DOCK11: variants seen among roughly 807,000 people sequenced by gnomAD.
DOCK11 encodes dedicator of cytokinesis protein 11.
A neutral mutation model predicts 169.1 loss-of-function variants in DOCK11; 70 were observed. The ratio of observed to expected loss-of-function variants is 0.41; its 90% CI spans 0.34 to 0.51. The LOEUF is 0.51. Among genes scored for constraint, DOCK11 ranks in the 20% least tolerant of loss-of-function variants. The pLI, the probability that DOCK11 is intolerant of heterozygous loss-of-function variation, is 0.10. For synonymous variants in DOCK11, 529 were observed against 541.3 expected (o/e 0.98, Z 0.32); for missense variants, 1,166 against 1,538.8 (o/e 0.76, Z 4.05).
chrX:118,609,220 C>T, intron 26 of DOCK11, 58 bp from the exon 27 acceptor site: 2 of 951,176 alleles, frequency 2.1e-6, no homozygotes, highest in Non-Finnish European at 3.0e-6. Flanking sequence ...ATCTGTCAAA[C>T]TTTGCTAAGC....
At chrX:118,558,788 G>C (rs924852848) in intron 6 of DOCK11, among the ~76,000 whole-genome samples, 15 of 112,328 alleles carry the variant, frequency 1.3e-4, no homozygotes, top group African/African-American at 4.9e-4. Flanking sequence ...CACATGGGGA[G>C]AGTAGCTTCC....
At chrX:118,549,148 CTT>C (rs1295714639) in intron 6 of DOCK11, among the ~76,000 whole-genome samples, 5 of 71,732 alleles carry the variant, frequency 7.0e-5, no homozygotes, top group African/African-American at 3.1e-4. Context: ...ACATATAAAA[CTT>C]TTTTTTTTTT....
At chrX:118,679,087 C>G (rs2016679824) in intron 48 of DOCK11, among the ~76,000 whole-genome samples, 1 of 109,861 alleles carries the variant, frequency 9.1e-6, no homozygotes, top group Non-Finnish European at 1.9e-5. Context: ...ACCACCATAC[C>G]CCAGCTAATT....
At chrX:118,538,214 A>G (rs1251472587) in intron 1 of DOCK11, among the ~76,000 whole-genome samples, 1 of 112,022 alleles carries the variant, frequency 8.9e-6, no homozygotes, top group Non-Finnish European at 1.9e-5. Context: ...AAACTAATAG[A>G]AACAAGGATT....
intron 3 of DOCK11, among the ~76,000 whole-genome samples, 165 bp from the exon 4 acceptor site, chrX:118,543,346 A>T (rs1292232770): frequency 1.8e-5 from 2 of 112,063 alleles, no homozygotes; most frequent in Non-Finnish European, 3.8e-5. Context: ...ATTTATTGCC[A>T]CCAACTGGGT....
chrX:118,500,210 G>A (rs867659142), intron 1 of DOCK11, among the ~76,000 whole-genome samples: 5 of 109,329 alleles, frequency 4.6e-5, no homozygotes, highest in African/African-American at 3.3e-5. Context: ...CGCCACGCCC[G>A]GCTAATTTTT....
At position 118,610,351 on chromosome X, in the gene DOCK11, C is replaced by T; in HGVS notation, c.3029C>T (p.Thr1010Ile). The T allele has an allele frequency of 8.3e-7, 1 of 1,210,973 alleles. No homozygotes were observed. Among genetic ancestry groups the T allele is most frequent in the Non-Finnish European group, 1.1e-6 (1 of 895,052 alleles). ...SLLLAIIPHV[T>I]IRYAEIPDES... is the part of the protein sequence containing the mutation. ...CTTCTTGCAATAATTCCCCATGTGA[C>T]TATTCGGTATGCGGAGATTCCCGAT... Residue 1010 changes from threonine to isoleucine, a missense_variant, in exon 28 of 53, where the codon ACT (threonine) becomes ATT (isoleucine). By Grantham distance (89) the Thr-to-Ile change is moderately conservative (BLOSUM62 -1). Coordinates refer to ENST00000276202, the MANE Select transcript of DOCK11 (RefSeq NM_144658.4).
intron 39 of DOCK11, among the ~76,000 whole-genome samples, chrX:118,643,143 G>C (rs940014919): frequency 4.5e-5 from 5 of 110,910 alleles, no homozygotes; most frequent in African/African-American, 1.6e-4. Flanking sequence ...TTAATTTATT[G>C]ATTTCTTAAT....
In DOCK11 at chrX:118,496,052, C is replaced by T; in HGVS notation, c.81C>T (p.Ala27=). 9.3e-7 allele frequency: 1 copy of T among 1,072,442 alleles called. No homozygotes were observed. The highest frequency in any genetic ancestry group is 1.2e-6 in the Non-Finnish European group (1 of 831,271). The allele number at this position is 1,072,442 out of a possible 1,213,427, so 88.4% of individuals were successfully genotyped here. A position where few individuals can be genotyped will look rare whatever the true frequency, so the allele number is the denominator to read the frequency against. ...AAELRQSVSE[A]VRGSVVLEKA... Reference sequence around the variant, plus strand: ...AGCTCCGGCAGAGCGTGTCTGAGGCCGTGCGGGGCTCCGTGGTGCTGGTGA... The same window carrying T: ...AGCTCCGGCAGAGCGTGTCTGAGGCTGTGCGGGGCTCCGTGGTGCTGGTGA... The change falls in exon 1 of 53, where the codon GCC becomes GCT. Residue 27 remains alanine (A), a synonymous_variant. Coordinates refer to ENST00000276202, the MANE Select transcript of DOCK11 (RefSeq NM_144658.4).
intron 3 of DOCK11, 103 bp from the exon 4 acceptor site, chrX:118,543,408 A>G: frequency 7.8e-6 from 5 of 640,951 alleles, no homozygotes; most frequent in Non-Finnish European, 1.2e-5. Context: ...AGTAATTGCC[A>G]AATGGTTTTA....
chrX:118,536,610 C>A (rs188642673), intron 1 of DOCK11, among the ~76,000 whole-genome samples: 90 of 111,817 alleles, frequency 8.0e-4, no homozygotes, highest in African/African-American at 2.8e-3. Flanking sequence ...CACACTTGTA[C>A]AGTTCCTTTT....
At chrX:118,577,395 A>G (rs1383927938) in intron 12 of DOCK11, among the ~76,000 whole-genome samples, 1 of 112,376 alleles carries the variant, frequency 8.9e-6, no homozygotes, top group African/African-American at 3.2e-5. Context: ...TTTAATCCAT[A>G]CAAGAAATGT....
rs376017846 is a variant in DOCK11, at chrX:118,542,955, G to A, written c.249G>A (p.Thr83=). 23 of 1,209,034 alleles carry A rather than the reference G, an allele frequency of 1.9e-5. No individual in the cohort carries two copies. The highest frequency in any genetic ancestry group is 8.8e-5 in the Admixed American group (4 of 45,658). The change falls in exon 3 of 53, where the codon ACG becomes ACA. Residue 83 remains threonine, a synonymous_variant. Transcript: ENST00000276202. ...CGGTGATAGGTCGTCAACGCAGAAC[G>A]GTGCAGTCTACTGTACCAGAAGATG... ...SISVIGRQRR[T]VQSTVPEDAE... is the part of the protein sequence containing the mutation.
In DOCK11 at chrX:118,601,810, C is replaced by G. The variant is rs1291671171; in HGVS notation, c.2562+2582C>G. Reference sequence around the variant, plus strand: ...TTTCTTTTTTTGAGACAGGGTCTCACTCTGTCGCCCAGGCTGGAGTGCAGT... The same window carrying G: ...TTTCTTTTTTTGAGACAGGGTCTCAGTCTGTCGCCCAGGCTGGAGTGCAGT... On this transcript the variant is annotated intron_variant, in intron 23 of 52. Coordinates refer to ENST00000276202, the MANE Select transcript of DOCK11 (RefSeq NM_144658.4). 4.5e-5 allele frequency among the ~76,000 whole-genome samples: 5 copies of G among 111,467 alleles called. No homozygotes were observed. The East Asian group carries it at 1.4e-3, about 31-fold the overall frequency.
chrX:118,580,131 T>C lies in DOCK11; in HGVS notation c.1547T>C (p.Val516Ala), dbSNP rs781198358. ...AQKVHRTAKQ[V>A]CSRLGQYRMP... ...AAGGTGCACAGGACAGCTAAACAAGTGTGTAGCCGCCTTGGACAATACAGA... is the reference window on the plus strand; with the variant it reads ...AAGGTGCACAGGACAGCTAAACAAGCGTGTAGCCGCCTTGGACAATACAGA... Residue 516 changes from valine (V) to alanine (A), a missense_variant, in exon 14 of 53, where the codon GTG becomes GCG. By Grantham distance (64) the Val-to-Ala change is moderately conservative (BLOSUM62 0). Coordinates refer to ENST00000276202, the MANE Select transcript of DOCK11 (RefSeq NM_144658.4). 1.7e-6 allele frequency: 2 copies of C among 1,210,119 alleles called. No homozygotes were observed. The highest frequency in any genetic ancestry group is 4.4e-5 in the Admixed American group (2 of 45,869).
At chrX:118,647,742 A>G (rs186545514) in intron 40 of DOCK11, among the ~76,000 whole-genome samples, 10,734 of 51,558 alleles carry the variant, frequency 0.21, 1,140 homozygotes, top group African/African-American at 0.39. Flanking sequence ...AATATAATAT[A>G]ATATATAATA....
chrX:118,506,876 G>C (rs2057616074), intron 1 of DOCK11, among the ~76,000 whole-genome samples: 1 of 111,031 alleles, frequency 9.0e-6, no homozygotes, highest in Non-Finnish European at 1.9e-5. Flanking sequence ...TTGAGGCCAG[G>C]AGTTCAAGAC....
chrX:118,556,758 G>A (rs1208838282), intron 6 of DOCK11, among the ~76,000 whole-genome samples: 3 of 80,508 alleles, frequency 3.7e-5, no homozygotes, highest in African/African-American at 4.0e-5. Context: ...CTCTGTCTCC[G>A]GAAAAAAAAA....
chrX:118,506,689 A>G (rs1339866865), intron 1 of DOCK11, among the ~76,000 whole-genome samples: 3 of 112,290 alleles, frequency 2.7e-5, no homozygotes, highest in Admixed American at 1.9e-4. Flanking sequence ...TTTTGGAAAC[A>G]TACGTTTTAA....
Sources: gnomAD v4.1 joint callset for allele counts (sites outside exome capture counted in the v4.1 genomes callset) on GRCh38, gnomAD v4.1.1 for gene constraint, MANE v1.5 for transcripts, NCBI Gene and HGNC (gene_info 2026-07-23, HGNC 2026-07-21) for gene names.